PDE7B: variants seen among roughly 807,000 people sequenced by gnomAD.
The protein encoded by PDE7B is phosphodiesterase 7B.
Under a neutral mutation model 56.2 loss-of-function variants are expected in PDE7B, and 29 were observed. The observed-to-expected ratio is 0.52, with a 90% CI of 0.38 to 0.70. The LOEUF (loss-of-function observed/expected upper bound fraction) is 0.70. Ranked by LOEUF, PDE7B falls within the 30% of genes least tolerant of loss-of-function variation. The pLI is 0.00. For synonymous variants in PDE7B, 197 were observed against 196.9 expected (o/e 1.00, Z 0.00); for missense variants, 490 against 565.0 (o/e 0.87, Z 1.35).
At chr6:135,981,879 A>G (rs1016848667) in intron 2 of PDE7B, among the ~76,000 whole-genome samples, 1 of 152,110 alleles carries the variant, frequency 6.6e-6, no homozygotes, top group Admixed American at 6.6e-5. Flanking sequence ...GTGCTGTACA[A>G]AATTGTACAT....
intron 2 of PDE7B, among the ~76,000 whole-genome samples, chr6:135,997,339 G>T (rs1246806804): frequency 1.4e-5 from 2 of 138,770 alleles, no homozygotes; most frequent in Non-Finnish European, 3.0e-5. Flanking sequence ...GCTTGAGCCT[G>T]GAAGGTCAAG....
chr6:135,924,773 T>G (rs924267145), intron 1 of PDE7B, among the ~76,000 whole-genome samples: 2 of 151,526 alleles, frequency 1.3e-5, no homozygotes, highest in African/African-American at 4.8e-5. Flanking sequence ...TGTAAAAGTA[T>G]ATTTACTTAC....
In PDE7B at chr6:136,154,171, C is replaced by T. The variant is rs202134194; in HGVS notation, c.575C>T (p.Pro192Leu). The change falls in exon 7 of 13, where the codon CCA becomes CTA. Residue 192 changes from proline to leucine, a missense_variant. Physicochemically the swap from Pro to Leu is moderately conservative, Grantham distance 98 (BLOSUM62 -3). Transcript: ENST00000308191. ...TQAMHCYLKEPKLASFLTPLD... is the reference protein window; with the variant it reads ...TQAMHCYLKELKLASFLTPLD... ...GCCATGCACTGCTACCTGAAAGAGC[C>T]AAAGGTAAGACAAGACCCAGCTGCC... is the stretch of plus-strand genomic sequence containing the variant. 210 of 1,608,324 alleles carry T rather than the reference C, an allele frequency of 1.3e-4. 1 individual carries two copies. The South Asian group carries it at 1.7e-3, about 13-fold the overall frequency.
intron 8 of PDE7B, among the ~76,000 whole-genome samples, chr6:136,163,217 C>T (rs573547773): frequency 6.6e-6 from 1 of 152,242 alleles, no homozygotes; most frequent in Non-Finnish European, 1.5e-5. Context: ...GACATACAGG[C>T]ATTTCTGTAC....
intron 2 of PDE7B, among the ~76,000 whole-genome samples, chr6:135,965,284 G>C (rs1311262813): frequency 7.9e-5 from 12 of 152,182 alleles, no homozygotes; most frequent in Non-Finnish European, 1.6e-4. Flanking sequence ...TTGAGAAGGT[G>C]AACAAGGATC....
At chr6:135,995,430 T>C (rs1049664156) in intron 2 of PDE7B, among the ~76,000 whole-genome samples, 5 of 152,212 alleles carry the variant, frequency 3.3e-5, no homozygotes, top group African/African-American at 9.6e-5. Flanking sequence ...TAGTATTTTT[T>C]GTTGTTGTTG....
intron 2 of PDE7B, among the ~76,000 whole-genome samples, chr6:136,061,652 C>T (rs1220406738): frequency 6.6e-6 from 1 of 152,200 alleles, no homozygotes; most frequent in Non-Finnish European, 1.5e-5. Flanking sequence ...CTCAACCACT[C>T]ATAGAGTAGA....
At chr6:136,082,114 A>T (rs1777216836) in intron 2 of PDE7B, among the ~76,000 whole-genome samples, 1 of 152,180 alleles carries the variant, frequency 6.6e-6, no homozygotes, top group South Asian at 2.1e-4. Flanking sequence ...TTGTGAAGCA[A>T]TGTAAGGTTG....
intron 1 of PDE7B, among the ~76,000 whole-genome samples, chr6:135,889,717 A>C (rs1463589350): frequency 6.9e-6 from 1 of 143,996 alleles, no homozygotes; most frequent in African/African-American, 2.6e-5. Context: ...CTGGGATTAC[A>C]AACGTGAGCC....
chr6:136,008,076 G>A (rs1214524606), intron 2 of PDE7B, among the ~76,000 whole-genome samples: 15 of 150,402 alleles, frequency 1.0e-4, no homozygotes, highest in African/African-American at 2.5e-4. Flanking sequence ...GAGTGAGAAC[G>A]TGCAGTGTTT....
intron 2 of PDE7B, among the ~76,000 whole-genome samples, chr6:136,101,265 G>T (rs1777556823): frequency 6.6e-6 from 1 of 152,186 alleles, no homozygotes; most frequent in South Asian, 2.1e-4. Context: ...CTATCAGGAT[G>T]ATGCTGGCCT....
At chr6:136,004,044 C>A (rs1775725804) in intron 2 of PDE7B, among the ~76,000 whole-genome samples, 1 of 151,970 alleles carries the variant, frequency 6.6e-6, no homozygotes, top group East Asian at 1.9e-4. Flanking sequence ...AAGGCTGGTT[C>A]AATATACACA....
chr6:136,137,693 A>T (rs1467512402), intron 3 of PDE7B, among the ~76,000 whole-genome samples: 4 of 152,134 alleles, frequency 2.6e-5, no homozygotes, highest in Non-Finnish European at 5.9e-5. Context: ...CTGGTACCAA[A>T]ATTAATCAGC....
intron 4 of PDE7B, among the ~76,000 whole-genome samples, chr6:136,148,379 A>G (rs917534458): frequency 6.8e-6 from 1 of 147,798 alleles, no homozygotes; most frequent in Admixed American, 6.9e-5. Context: ...GAAAGAAAAG[A>G]AAAGAAAGAA....
intron 1 of PDE7B, among the ~76,000 whole-genome samples, chr6:135,854,822 A>C (rs1490910479): frequency 6.6e-6 from 1 of 152,202 alleles, no homozygotes; most frequent in Non-Finnish European, 1.5e-5. Flanking sequence ...GAAGAGAAGG[A>C]GAAAAGGGAT....
intron 3 of PDE7B, among the ~76,000 whole-genome samples, chr6:136,131,494 G>GC (rs1314089914): frequency 3.0e-4 from 25 of 84,680 alleles, no homozygotes; most frequent in Admixed American, 6.0e-4. Flanking sequence ...ATCCTGGCAG[G>GC]TTTTTTTTTT....
chr6:135,955,166 A>C (rs1774767447), intron 2 of PDE7B, among the ~76,000 whole-genome samples: 1 of 152,200 alleles, frequency 6.6e-6, no homozygotes, highest in Middle Eastern at 3.4e-3. Flanking sequence ...AGGGATGCAA[A>C]GATATTGAAA....
intron 1 of PDE7B, among the ~76,000 whole-genome samples, chr6:135,917,316 TA>T (rs1442796643): frequency 6.6e-6 from 1 of 152,146 alleles, no homozygotes; most frequent in Non-Finnish European, 1.5e-5. Flanking sequence ...TTGCATAGGT[TA>T]TTTTTTTTTC....
intron 2 of PDE7B, among the ~76,000 whole-genome samples, chr6:136,041,730 TTTAA>T (rs1235527009): frequency 6.6e-6 from 1 of 152,254 alleles, no homozygotes; most frequent in African/African-American, 2.4e-5. Context: ...TACCCAATTA[TTTAA>T]TTGTGTTAAT....
Sources: allele counts gnomAD v4.1 joint callset (sites outside exome capture counted in the v4.1 genomes callset), GRCh38; gene constraint gnomAD v4.1.1; transcripts MANE v1.5; gene names NCBI Gene and HGNC (gene_info 2026-07-23, HGNC 2026-07-21).